PRKG1: variants seen among roughly 807,000 people sequenced by gnomAD.
PRKG1 encodes cGMP-dependent protein kinase 1.
Under a neutral mutation model 88.1 loss-of-function variants are expected in PRKG1, and 35 were observed. The ratio of observed to expected loss-of-function variants is 0.40; its 90% CI spans 0.30 to 0.53. The LOEUF (loss-of-function observed/expected upper bound fraction) is 0.53. PRKG1 is among the 20% of genes least tolerant of loss of function. The pLI is 0.59. For synonymous variants in PRKG1, 303 were observed against 292.5 expected, an observed-to-expected ratio of 1.04 and a Z score of -0.37; for missense variants, 540 against 839.8, an observed-to-expected ratio of 0.64 and a Z score of 4.41.
At chr10:51,387,537 T>C (rs1229197070) in intron 2 of PRKG1, among the ~76,000 whole-genome samples, 2 of 152,066 alleles carry the variant, frequency 1.3e-5, no homozygotes, top group Non-Finnish European at 2.9e-5. Flanking sequence ...ACTACCTGTT[T>C]ATTGCCAACC....
intron 7 of PRKG1, among the ~76,000 whole-genome samples, chr10:52,131,806 G>A (rs1015699155): frequency 1.3e-4 from 10 of 75,408 alleles, no homozygotes; most frequent in Admixed American, 7.2e-4. Flanking sequence ...CAACAAGAGC[G>A]AAACTCCATC....
chr10:51,821,830 G>A (rs1839754445), intron 4 of PRKG1, among the ~76,000 whole-genome samples: 1 of 152,046 alleles, frequency 6.6e-6, no homozygotes, highest in African/African-American at 2.4e-5. Flanking sequence ...TTGATCTTCA[G>A]GGAATCTTTA....
chr10:51,015,265 A>G (rs564131678), intron 1 of PRKG1, among the ~76,000 whole-genome samples: 2 of 152,342 alleles, frequency 1.3e-5, no homozygotes, highest in South Asian at 2.1e-4. Flanking sequence ...CCAAGTTACA[A>G]TTACTAAACA....
chr10:51,646,916 A>ATTC (rs1269126520), intron 3 of PRKG1, among the ~76,000 whole-genome samples: 1 of 152,096 alleles, frequency 6.6e-6, no homozygotes, highest in East Asian at 1.9e-4. Flanking sequence ...ATTCAATGAA[A>ATTC]TTCTTCTACT....
intron 2 of PRKG1, among the ~76,000 whole-genome samples, chr10:51,284,385 T>A (rs778565763): frequency 6.6e-6 from 1 of 152,212 alleles, no homozygotes; most frequent in African/African-American, 2.4e-5. Flanking sequence ...GTTACATAAC[T>A]AGCCCAAGGA....
At chr10:51,032,143 TG>T (rs1843291631) in intron 1 of PRKG1, among the ~76,000 whole-genome samples, 1 of 152,112 alleles carries the variant, frequency 6.6e-6, no homozygotes, top group African/African-American at 2.4e-5. Context: ...CAGCTGCCAG[TG>T]TCCTTGGAAC....
chr10:51,937,912 A>G (rs142117519), intron 5 of PRKG1, among the ~76,000 whole-genome samples: 1 of 152,200 alleles, frequency 6.6e-6, no homozygotes, highest in Non-Finnish European at 1.5e-5. Context: ...GCCTGAGCCC[A>G]CACTGTTCCA....
Position 51,670,744 on chromosome 10 carries a change from ATAAATAAATAAAT to A in PRKG1, c.593-133840_593-133828del, listed in dbSNP as rs369153346. 5.5e-3 allele frequency among the ~76,000 whole-genome samples: 687 copies of A among 125,718 alleles called. 15 individuals are homozygous for A. The highest frequency in any genetic ancestry group is 0.021 in the African/African-American group (655 of 30,774). The allele number at this position is 125,718 out of a possible 152,430, so 82.5% of individuals were successfully genotyped here. On this transcript the variant is annotated intron_variant, in intron 3 of 17. Transcript: ENST00000373980. The stretch of plus-strand genomic sequence containing the variant: ...GAGCGAGACTCCGTCTCAAAAAAAA[ATAAATAAATAAAT>A]AAATAAATAAATAAATAAATAAATA...
At chr10:51,823,861 C>G (rs1333755259) in intron 4 of PRKG1, among the ~76,000 whole-genome samples, 2 of 128,374 alleles carry the variant, frequency 1.6e-5, no homozygotes, top group Non-Finnish European at 3.3e-5. Flanking sequence ...TTTTTTTTCT[C>G]TCTCCTTTTT....
intron 5 of PRKG1, among the ~76,000 whole-genome samples, chr10:51,921,014 CA>C (rs1203300332): frequency 6.6e-6 from 1 of 151,954 alleles, no homozygotes; most frequent in Non-Finnish European, 1.5e-5. Flanking sequence ...GAGTGTTGTA[CA>C]GTTCTATTCT....
At chr10:51,127,591 A>G (rs546386737) in intron 1 of PRKG1, among the ~76,000 whole-genome samples, 3 of 152,310 alleles carry the variant, frequency 2.0e-5, no homozygotes, top group African/African-American at 7.2e-5. Flanking sequence ...CATTTGACCA[A>G]GCAATCTCAT....
intron 3 of PRKG1, among the ~76,000 whole-genome samples, chr10:51,493,560 C>T (rs1467008588): frequency 6.6e-6 from 1 of 152,090 alleles, no homozygotes; most frequent in African/African-American, 2.4e-5. Context: ...TAATCTGCTG[C>T]TCTGCTTTGA....
intron 2 of PRKG1, among the ~76,000 whole-genome samples, chr10:51,194,204 G>A (rs900248698): frequency 4.0e-5 from 6 of 150,156 alleles, no homozygotes; most frequent in Admixed American, 1.3e-4. Context: ...TAGAAGATTA[G>A]TATTTAGTAT....
chr10:52,289,658 C>A, intron 16 of PRKG1, among the ~76,000 whole-genome samples: 1 of 150,712 alleles, frequency 6.6e-6, no homozygotes, highest in East Asian at 2.0e-4. Flanking sequence ...AGAAAACAAA[C>A]AAGCAAAAAC....
chr10:51,799,460 A>G (rs1839107340), intron 3 of PRKG1, among the ~76,000 whole-genome samples: 1 of 151,880 alleles, frequency 6.6e-6, no homozygotes, highest in African/African-American at 2.4e-5. Context: ...TTTGGAAAAC[A>G]CTTGTGGTGG....
Position 51,237,931 on chromosome 10 carries a change from A to G in PRKG1, c.478+84601A>G, listed in dbSNP as rs1033610047. 3.3e-5 allele frequency among the ~76,000 whole-genome samples: 5 copies of G among 152,094 alleles called. No homozygotes were observed. The East Asian group carries it at 9.7e-4, about 29-fold the overall frequency. On this transcript the variant is annotated intron_variant, in intron 2 of 17. Transcript: ENST00000373980. The stretch of plus-strand genomic sequence containing the variant: ...TAATATTGGTACAAATGAATTCTAG[A>G]TTTATCTCACTTAACGATATCTATA...
At chr10:51,677,675 A>G (rs1049360043) in intron 3 of PRKG1, among the ~76,000 whole-genome samples, 3 of 152,222 alleles carry the variant, frequency 2.0e-5, no homozygotes, top group Non-Finnish European at 4.4e-5. Flanking sequence ...GATTAGAGTC[A>G]GTTGCCACAA....
intron 3 of PRKG1, among the ~76,000 whole-genome samples, chr10:51,606,068 G>A (rs1477036614): frequency 6.6e-6 from 1 of 152,082 alleles, no homozygotes; most frequent in Non-Finnish European, 1.5e-5. Context: ...TGTAATTATT[G>A]ATGACATTGT....
At position 51,765,805 on chromosome 10, in the gene PRKG1, G is replaced by A. The variant is rs73347214; in HGVS notation, c.593-38780G>A. 4.9e-3 allele frequency among the ~76,000 whole-genome samples: 724 copies of A among 146,984 alleles called. 6 individuals are homozygous for A. Among genetic ancestry groups the A allele is most frequent in the African/African-American group, 0.013 (527 of 40,070 alleles). On this transcript the variant is annotated intron_variant, in intron 3 of 17. Transcript: ENST00000373980. Reference sequence around the variant, plus strand: ...CTGTTTTGCCCCTAAGTATGCTGTTGCCTTACATGATTTTTTTTTTTTTTT... The same window carrying A: ...CTGTTTTGCCCCTAAGTATGCTGTTACCTTACATGATTTTTTTTTTTTTTT...
Sources: gnomAD v4.1 joint callset for allele counts (sites outside exome capture counted in the v4.1 genomes callset) on GRCh38, gnomAD v4.1.1 for gene constraint, MANE v1.5 for transcripts, NCBI Gene and HGNC (gene_info 2026-07-23, HGNC 2026-07-21) for gene names.